PRKN: variants seen among roughly 807,000 people sequenced by gnomAD.
PRKN encodes parkin RBR E3 ubiquitin protein ligase.
Under a neutral mutation model 59.5 loss-of-function variants are expected in PRKN, and 56 were observed. The ratio of observed to expected loss-of-function variants is 0.94; its 90% confidence interval spans 0.76 to 1.18. The LOEUF (loss-of-function observed/expected upper bound fraction) is 1.18. Ranked by LOEUF, PRKN falls within the 50% of genes most tolerant of loss-of-function variation. PRKN has a pLI of 0.00. For missense variants in PRKN, 657 were observed against 596.4 expected, an observed-to-expected ratio of 1.10 and a Z score of -1.06; for synonymous variants, 250 against 222.1, an observed-to-expected ratio of 1.13 and a Z score of -1.12.
intron 11 of PRKN, 108 bp from the exon 12 acceptor site, chr6:161,350,319 T>A (rs1027917549): frequency 4.0e-6 from 3 of 745,934 alleles, no homozygotes; most frequent in Admixed American, 4.1e-5. Flanking sequence ...GAGCGAATAA[T>A]CACAAGCAAT....
intron 7 of PRKN, among the ~76,000 whole-genome samples, chr6:161,687,745 C>T (rs998065083): frequency 2.0e-5 from 3 of 151,982 alleles, no homozygotes; most frequent in Non-Finnish European, 2.9e-5. Context: ...TTTGAGCCAC[C>T]GCGCCGGGCC....
intron 2 of PRKN, among the ~76,000 whole-genome samples, chr6:162,346,949 C>G (rs1187709468): frequency 6.6e-6 from 1 of 151,796 alleles, no homozygotes; most frequent in African/African-American, 2.4e-5. Context: ...GTCATATCAT[C>G]CTTTAACAAC....
intron 6 of PRKN, among the ~76,000 whole-genome samples, chr6:161,894,090 G>A (rs1167106624): frequency 6.6e-6 from 1 of 152,094 alleles, no homozygotes; most frequent in Non-Finnish European, 1.5e-5. Context: ...CTTCTCCTGT[G>A]TCCTCAGATG....
chr6:161,712,940 T>C (rs867841448), intron 7 of PRKN, among the ~76,000 whole-genome samples: 28 of 152,032 alleles, frequency 1.8e-4, no homozygotes, highest in African/African-American at 5.8e-4. Flanking sequence ...ATAATTCAAC[T>C]CGATTCTGAT....
intron 1 of PRKN, among the ~76,000 whole-genome samples, chr6:162,671,890 T>G (rs1584021866): frequency 6.7e-6 from 1 of 148,792 alleles, no homozygotes; most frequent in African/African-American, 2.5e-5. Flanking sequence ...AGAGGGGAGG[T>G]AGGTTGGATG....
chr6:161,876,604 T>G (rs1018080667), intron 6 of PRKN, among the ~76,000 whole-genome samples: 2 of 152,176 alleles, frequency 1.3e-5, no homozygotes, highest in African/African-American at 4.8e-5. Context: ...TGAGCCACCA[T>G]GCCCGGCTTT....
chr6:162,724,332 G>T (rs1221941426), intron 1 of PRKN, among the ~76,000 whole-genome samples: 1 of 152,160 alleles, frequency 6.6e-6, no homozygotes, highest in Non-Finnish European at 1.5e-5. Flanking sequence ...CTGGGTCAGG[G>T]CATTCAACAC....
At chr6:161,663,213 T>C (rs144023660) in intron 7 of PRKN, among the ~76,000 whole-genome samples, 1 of 152,264 alleles carries the variant, frequency 6.6e-6, no homozygotes, top group African/African-American at 2.4e-5. Context: ...CAATCTCAGG[T>C]ATGTCTTTAT....
chr6:161,564,102 T>C (rs1201502342), intron 8 of PRKN, among the ~76,000 whole-genome samples: 1 of 152,208 alleles, frequency 6.6e-6, no homozygotes. Flanking sequence ...GTGATAACAG[T>C]TGCCTCAAGC....
At chr6:162,416,507 G>A (rs1788636140) in intron 2 of PRKN, among the ~76,000 whole-genome samples, 1 of 152,178 alleles carries the variant, frequency 6.6e-6, no homozygotes, top group African/African-American at 2.4e-5. Flanking sequence ...AAGTTGCTGA[G>A]TAAGTATATT....
At chr6:161,861,520 C>G (rs1313082292) in intron 6 of PRKN, among the ~76,000 whole-genome samples, 1 of 151,652 alleles carries the variant, frequency 6.6e-6, no homozygotes, top group Non-Finnish European at 1.5e-5. Flanking sequence ...TGCAGCAAAC[C>G]ACCATGGCAA....
intron 6 of PRKN, among the ~76,000 whole-genome samples, chr6:161,945,876 G>A (rs1419548689): frequency 1.3e-5 from 2 of 152,164 alleles, no homozygotes; most frequent in Admixed American, 1.3e-4. Flanking sequence ...AAATGGATGA[G>A]CCTTCTTTTA....
chr6:161,636,836 G>A (rs576354515), intron 7 of PRKN, among the ~76,000 whole-genome samples: 29 of 152,270 alleles, frequency 1.9e-4, no homozygotes, highest in South Asian at 8.3e-4. Context: ...GCTTCAGTCC[G>A]ACCTACAGAA....
chr6:161,946,414 A>ACACTCTCTCTCTCT (rs1247187053), intron 6 of PRKN, among the ~76,000 whole-genome samples: 1 of 114,376 alleles, frequency 8.7e-6, no homozygotes, highest in African/African-American at 3.7e-5. Flanking sequence ...ACACACACAC[A>ACACTCTCTCTCTCT]CTCTCTCTCT....
chr6:161,846,859 C>T (rs986132981), intron 6 of PRKN, among the ~76,000 whole-genome samples: 2 of 152,184 alleles, frequency 1.3e-5, no homozygotes, highest in African/African-American at 4.8e-5. Flanking sequence ...CTTCTCAGCA[C>T]CACATACTTA....
At chr6:161,535,563 A>G (rs1430719173) in intron 9 of PRKN, among the ~76,000 whole-genome samples, 4 of 152,248 alleles carry the variant, frequency 2.6e-5, no homozygotes, top group Non-Finnish European at 4.4e-5. Context: ...AGCTGGGCAC[A>G]TCGCACCCCG....
intron 1 of PRKN, among the ~76,000 whole-genome samples, chr6:162,670,205 A>G (rs1779267930): frequency 6.6e-6 from 1 of 152,218 alleles, no homozygotes; most frequent in Non-Finnish European, 1.5e-5. Flanking sequence ...AGGGAGATAG[A>G]AAACATTTAT....
chr6:162,269,421 T>C (rs2128102543), intron 2 of PRKN, among the ~76,000 whole-genome samples: 1 of 152,318 alleles, frequency 6.6e-6, no homozygotes, highest in East Asian at 1.9e-4. Context: ...TGATGCATAA[T>C]TGGGAAATGA....
At chr6:162,714,908 C>T (rs1035050539) in intron 1 of PRKN, among the ~76,000 whole-genome samples, 1 of 152,116 alleles carries the variant, frequency 6.6e-6, no homozygotes, top group Non-Finnish European at 1.5e-5. Flanking sequence ...GCACTTCCCT[C>T]TAAGGGCAAG....
Sources: gnomAD v4.1 joint callset for allele counts (sites outside exome capture counted in the v4.1 genomes callset) on GRCh38, gnomAD v4.1.1 for gene constraint, MANE v1.5 for transcripts, NCBI Gene and HGNC (gene_info 2026-07-23, HGNC 2026-07-21) for gene names.